Variants in ZNF138 observed in about 807,000 individuals in gnomAD.
The protein encoded by ZNF138 is zinc finger protein 138.
A neutral mutation model predicts 33.0 loss-of-function variants in ZNF138; 33 were observed. The ratio of observed to expected loss-of-function variants is 1.00; its 90% CI spans 0.76 to 1.34. ZNF138 has a LOEUF of 1.34. ZNF138 is among the 40% of genes most tolerant of loss of function. The pLI, the probability that ZNF138 is intolerant of heterozygous loss-of-function variation, is 0.00. For synonymous variants in ZNF138, 139 were observed against 120.4 expected, an observed-to-expected ratio of 1.15 and a Z score of -1.01; for missense variants, 360 against 370.8, an observed-to-expected ratio of 0.97 and a Z score of 0.24.
At chr7:64,801,107 T>A (rs538479241) in intron 1 of ZNF138, among the ~76,000 whole-genome samples, 59 of 152,266 alleles carry the variant, frequency 3.9e-4, no homozygotes, top group African/African-American at 8.9e-4. Flanking sequence ...TTAATTTTTT[T>A]AATAGATTTA....
intron 1 of ZNF138, among the ~76,000 whole-genome samples, chr7:64,795,115 G>C (rs942581889): frequency 6.6e-6 from 1 of 152,156 alleles, no homozygotes; most frequent in Admixed American, 6.5e-5. Flanking sequence ...GGTTAGTAGA[G>C]TTATGTAGTT....
At chr7:64,799,129 C>A (rs1462804517) in intron 1 of ZNF138, among the ~76,000 whole-genome samples, 1 of 151,612 alleles carries the variant, frequency 6.6e-6, no homozygotes, top group Non-Finnish European at 1.5e-5. Flanking sequence ...CTGTAAATTT[C>A]TTAGGGCAGT....
At chr7:64,833,965 A>G (rs1790289345), downstream of ZNF138, among the ~76,000 whole-genome samples, 1 of 152,164 alleles carries the variant, frequency 6.6e-6, no homozygotes, top group South Asian at 2.1e-4. Flanking sequence ...ACTTGAAATG[A>G]TCCATACACC....
At chr7:64,831,215 G>A (rs1413028851) in intron 3 of ZNF138, 14 of 1,247,302 alleles carry the variant, frequency 1.1e-5, no homozygotes, top group African/African-American at 3.0e-5. Context: ...TCTTCTGTGT[G>A]GCTCTTTGCA....
intron 1 of ZNF138, among the ~76,000 whole-genome samples, chr7:64,803,480 T>C (rs989802869): frequency 2.2e-4 from 34 of 152,312 alleles, no homozygotes; most frequent in African/African-American, 7.7e-4. Flanking sequence ...AGTACTTACA[T>C]TGCAAAAGCG....
chr7:64,847,853 A>G, the ZNF138 span, among the ~76,000 whole-genome samples: 17 of 152,192 alleles, frequency 1.1e-4, no homozygotes, highest in Non-Finnish European at 2.1e-4. Context: ...TTTACTTTCA[A>G]TGTTAGTATT....
the ZNF138 span, among the ~76,000 whole-genome samples, chr7:64,859,912 G>C: frequency 6.6e-6 from 1 of 152,184 alleles, no homozygotes; most frequent in Non-Finnish European, 1.5e-5. Flanking sequence ...GCCAAGGTGG[G>C]TGGATTACGA....
intron 1 of ZNF138, among the ~76,000 whole-genome samples, chr7:64,799,766 G>C (rs542472322): frequency 2.4e-4 from 36 of 152,004 alleles, no homozygotes; most frequent in African/African-American, 8.7e-4. Context: ...GCCTTAGCCT[G>C]CCAAGTAGCT....
intron 3 of ZNF138, among the ~76,000 whole-genome samples, chr7:64,825,453 G>A (rs1422873701): frequency 6.6e-6 from 1 of 151,658 alleles, no homozygotes; most frequent in African/African-American, 2.4e-5. Context: ...TTACAGGCCT[G>A]AGCCACCGCA....
At position 64,832,046 on chromosome 7, in the gene ZNF138, A is replaced by G; in HGVS notation, c.804A>G (p.Arg268=). 1 of 1,614,000 alleles carries G rather than the reference A, an allele frequency of 6.2e-7. No homozygotes were observed. Among genetic ancestry groups the G allele is most frequent in the East Asian group, 2.2e-5 (1 of 44,858 alleles). Residue 268 remains arginine (R), a synonymous_variant, in exon 4 of 4, where the codon AGA becomes AGG. Transcript: ENST00000307355. The part of the protein sequence containing the change: ...KAFKQSSHLT[R]HKIIHTEEKP... The stretch of plus-strand genomic sequence containing the variant: ...TTAAACAGTCCTCACACCTTACTAG[A>G]CATAAGATAATTCATACTGAAGAGA...
Position 64,822,943 on chromosome 7 carries a change from C to T in ZNF138, c.208+7290C>T, listed in dbSNP as rs185056384. Among the ~76,000 whole-genome samples, 51 of 152,014 alleles carry T rather than the reference C, an allele frequency of 3.4e-4. No individual in the cohort carries two copies. In the Middle Eastern group the frequency reaches 0.017, roughly 51 times the overall value. On this transcript the variant is annotated intron_variant, in intron 3 of 3. Coordinates refer to ENST00000307355, the MANE Select transcript of ZNF138 (RefSeq NM_001271639.2). Reference sequence around the variant, plus strand: ...TTGCCCAGGCTAGAGTGTAATGGCACGATCTTGGCCCACTGCAACCTCCTC... The same window carrying T: ...TTGCCCAGGCTAGAGTGTAATGGCATGATCTTGGCCCACTGCAACCTCCTC...
chr7:64,849,685 C>T, the ZNF138 span, among the ~76,000 whole-genome samples: 1 of 151,898 alleles, frequency 6.6e-6, no homozygotes, highest in African/African-American at 2.4e-5. Context: ...ATTATGGCTG[C>T]CTCTGCTGTG....
intron 1 of ZNF138, among the ~76,000 whole-genome samples, chr7:64,810,614 T>C (rs559040152): frequency 6.6e-6 from 1 of 151,782 alleles, no homozygotes; most frequent in Non-Finnish European, 1.5e-5. Context: ...TAAAAAAGAT[T>C]AGAAGTTCAC....
the ZNF138 span, among the ~76,000 whole-genome samples, chr7:64,842,096 C>T: frequency 6.6e-6 from 1 of 152,190 alleles, no homozygotes; most frequent in South Asian, 2.1e-4. Flanking sequence ...TGGAATCTTG[C>T]TCTGTCACCC....
chr7:64,847,332 A>ATATATATTT, the ZNF138 span, among the ~76,000 whole-genome samples: 7 of 128,130 alleles, frequency 5.5e-5, no homozygotes, highest in African/African-American at 8.9e-5. Context: ...ATATATATAT[A>ATATATATTT]TTTTTTTTTT....
At chr7:64,818,655 C>T (rs916165479) in intron 3 of ZNF138, among the ~76,000 whole-genome samples, 1 of 145,852 alleles carries the variant, frequency 6.9e-6, no homozygotes, top group Non-Finnish European at 1.5e-5. Flanking sequence ...GAGGCTGAGG[C>T]AGGAGAATCA....
downstream of ZNF138, among the ~76,000 whole-genome samples, chr7:64,834,327 G>T (rs1226460617): frequency 6.6e-6 from 1 of 152,090 alleles, no homozygotes; most frequent in Non-Finnish European, 1.5e-5. Context: ...GGCTACGTAA[G>T]TATCAGAGAA....
At position 64,833,353 on chromosome 7, in the gene ZNF138, C is replaced by A. The variant is rs1464928; in HGVS notation, c.*1151C>A. The A allele has an allele frequency of 0.29, 46,552 of 158,334 alleles. 7,700 individuals are homozygous for A. The highest frequency in any genetic ancestry group is 0.36 in the Non-Finnish European group (25,901 of 71,802). The allele number at this position is 158,334 out of a possible 1,614,324, so 9.8% of individuals were successfully genotyped here. A position where few individuals can be genotyped will look rare whatever the true frequency, so the allele number is the denominator to read the frequency against. ...CAGAAAAATGTGAAAATGATTTTAACAAAACCTTCAAATTTTTCTAAACAT... is the reference window on the plus strand; with the variant it reads ...CAGAAAAATGTGAAAATGATTTTAAAAAAACCTTCAAATTTTTCTAAACAT... On this transcript the variant is annotated 3_prime_UTR_variant, in exon 4 of 4. Transcript: ENST00000307355.
chr7:64,828,461 C>T (rs1789821600), intron 3 of ZNF138, among the ~76,000 whole-genome samples: 2 of 151,966 alleles, frequency 1.3e-5, no homozygotes, highest in Admixed American at 1.3e-4. Context: ...TTTCATTTTG[C>T]ATGTTATGAA....
Sources: allele counts gnomAD v4.1 joint callset (sites outside exome capture counted in the v4.1 genomes callset), GRCh38; gene constraint gnomAD v4.1.1; transcripts MANE v1.5; gene names NCBI Gene and HGNC (gene_info 2026-07-23, HGNC 2026-07-21).